The following RRAGB variants were observed in gnomAD, a reference collection of about 807,000 sequenced individuals.
RRAGB encodes the protein ras-related GTP-binding protein B.
In RRAGB, 6 loss-of-function variants were observed where a neutral mutation model predicts 29.3. That is an observed-to-expected ratio of 0.21 (90% confidence interval 0.11 to 0.40). RRAGB has a LOEUF of 0.40. Ranked by LOEUF, RRAGB falls within the 10% of genes least tolerant of loss-of-function variation. The probability of loss-of-function intolerance (pLI) is 1.00; values close to 1 mark genes in which losing one functional copy is unlikely to be tolerated. For missense variants in RRAGB, 184 were observed against 272.9 expected, an observed-to-expected ratio of 0.67 and a Z score of 2.29; for synonymous variants, 101 against 92.5, an observed-to-expected ratio of 1.09 and a Z score of -0.53.
intron 9 of RRAGB, 55 bp downstream of exon 9, chrX:55,757,386 G>T: frequency 1.5e-6 from 1 of 670,235 alleles, no homozygotes; most frequent in Non-Finnish European, 2.3e-6. Context: ...TTAAACAATT[G>T]TCCCAGAGGT....
At chrX:55,738,855 G>A (rs2033955586) in intron 5 of RRAGB, among the ~76,000 whole-genome samples, 1 of 112,022 alleles carries the variant, frequency 8.9e-6, no homozygotes, top group Admixed American at 9.4e-5. Context: ...ACCAGGGCAG[G>A]TGGAGGGGCA....
At chrX:55,742,321 C>A (rs1287677753) in intron 5 of RRAGB, among the ~76,000 whole-genome samples, 1 of 112,617 alleles carries the variant, frequency 8.9e-6, no homozygotes, top group Non-Finnish European at 1.9e-5. Context: ...ACAGCACTCA[C>A]CTCAGCTTGT....
chrX:55,731,683 A>G, intron 5 of RRAGB, 97 bp downstream of exon 5: 2 of 562,819 alleles, frequency 3.6e-6, no homozygotes, highest in Non-Finnish European at 5.5e-6. Context: ...TTTCAGGAAT[A>G]AAAAGTCAGC....
chrX:55,758,276 A>T lies in RRAGB; in HGVS notation c.974A>T (p.Asn325Ile). The change falls in exon 10 of 10, where the codon AAT becomes ATT. Residue 325 changes from asparagine (N) to isoleucine (I), a missense_variant. Coordinates refer to ENST00000374941, the MANE Select transcript of RRAGB (RefSeq NM_006064.5). ...GCAGCTACTCTGATCAACATCCGCA[A>T]TGCCAGGAAACACTTTGAAAAGCTG... is the stretch of plus-strand genomic sequence containing the variant. ...PSAATLINIR[N>I]ARKHFEKLER... is the part of the protein sequence containing the mutation. 8.3e-7 allele frequency: 1 copy of T among 1,208,509 alleles called. No individual in the cohort carries two copies. Among genetic ancestry groups the T allele is most frequent in the Non-Finnish European group, 1.1e-6 (1 of 893,411 alleles).
chrX:55,749,856 C>T (rs1359356931), intron 5 of RRAGB, among the ~76,000 whole-genome samples: 5 of 107,088 alleles, frequency 4.7e-5, no homozygotes, highest in Non-Finnish European at 9.7e-5. Flanking sequence ...TAAGAGTCAT[C>T]ACCACTCCCT....
At chrX:55,737,034 A>G (rs887915492) in intron 5 of RRAGB, among the ~76,000 whole-genome samples, 5 of 112,666 alleles carry the variant, frequency 4.4e-5, no homozygotes, top group Non-Finnish European at 7.5e-5. Context: ...ACCCACAGGT[A>G]AAAACCAGCT....
chrX:55,737,983 C>T (rs770056849), intron 5 of RRAGB, among the ~76,000 whole-genome samples: 3 of 112,326 alleles, frequency 2.7e-5, no homozygotes, highest in South Asian at 3.7e-4. Context: ...TACTTGTGCT[C>T]GTGAGTGCAA....
At chrX:55,732,687 CT>C (rs1300383909) in intron 5 of RRAGB, among the ~76,000 whole-genome samples, 3 of 111,841 alleles carry the variant, frequency 2.7e-5, no homozygotes, top group African/African-American at 6.5e-5. Flanking sequence ...TTAGCTCTTT[CT>C]CCCTCAACTT....
intron 5 of RRAGB, among the ~76,000 whole-genome samples, chrX:55,749,098 G>T (rs1239412033): frequency 1.2e-4 from 12 of 101,270 alleles, no homozygotes; most frequent in African/African-American, 4.3e-4. Context: ...GCCTCGTCCG[G>T]GAGGTGAGTG....
intron 7 of RRAGB, among the ~76,000 whole-genome samples, chrX:55,753,931 G>A (rs2034590986): frequency 8.9e-6 from 1 of 111,823 alleles, no homozygotes; most frequent in Non-Finnish European, 1.9e-5. Flanking sequence ...TATAATCCCA[G>A]CTACTTGGGA....
At chrX:55,733,951 A>G (rs1189229163) in intron 5 of RRAGB, among the ~76,000 whole-genome samples, 2 of 108,509 alleles carry the variant, frequency 1.8e-5, no homozygotes, top group East Asian at 5.8e-4. Context: ...TTGGTTGGGA[A>G]ATTTTGAGTT....
intron 5 of RRAGB, among the ~76,000 whole-genome samples, chrX:55,743,912 AC>A (rs2034161535): frequency 9.0e-6 from 1 of 111,315 alleles, no homozygotes; most frequent in African/African-American, 3.3e-5. Context: ...CTGTCCCATA[AC>A]TTTCTTTCTG....
At chrX:55,743,591 C>G (rs925695832) in intron 5 of RRAGB, among the ~76,000 whole-genome samples, 2 of 112,872 alleles carry the variant, frequency 1.8e-5, no homozygotes, top group African/African-American at 6.4e-5. Flanking sequence ...GTCATCCTAT[C>G]TACTTGGTTA....
At chrX:55,740,060 G>T (rs1483235703) in intron 5 of RRAGB, among the ~76,000 whole-genome samples, 1 of 112,048 alleles carries the variant, frequency 8.9e-6, no homozygotes, top group African/African-American at 3.2e-5. Context: ...GGTGGCTCAC[G>T]CCTGTAATCC....
chrX:55,751,400 A>G, intron 6 of RRAGB: 1 of 343,819 alleles, frequency 2.9e-6, no homozygotes, highest in Non-Finnish European at 5.0e-6. Context: ...TTGGGTTGAC[A>G]TAGCTACCAA....
intron 5 of RRAGB, among the ~76,000 whole-genome samples, chrX:55,739,132 G>A (rs2033963869): frequency 1.8e-5 from 2 of 112,895 alleles, no homozygotes; most frequent in Admixed American, 9.3e-5. Flanking sequence ...CTGGATCCCA[G>A]GCAGTCTTTG....
At chrX:55,729,621 T>C (rs2033605301) in intron 4 of RRAGB, among the ~76,000 whole-genome samples, 1 of 111,304 alleles carries the variant, frequency 9.0e-6, no homozygotes. Flanking sequence ...TCCCCTTTCG[T>C]GGAGGAATAA....
At chrX:55,753,637 C>T (rs2034581410) in intron 7 of RRAGB, 123 bp downstream of exon 7, 3 of 638,143 alleles carry the variant, frequency 4.7e-6, no homozygotes, top group South Asian at 4.3e-5. Context: ...TTAGCATGTA[C>T]AGACTTATTT....
chrX:55,755,846 T>G lies in RRAGB; in HGVS notation c.741T>G (p.Ile247Met). 1 of 1,199,527 alleles carries G rather than the reference T, an allele frequency of 8.3e-7. No homozygotes were observed. Among genetic ancestry groups the G allele is most frequent in the Non-Finnish European group, 1.1e-6 (1 of 886,264 alleles). Residue 247 changes from isoleucine to methionine, a missense_variant, in exon 8 of 10, where the codon ATT becomes ATG. Coordinates refer to ENST00000374941, the MANE Select transcript of RRAGB (RefSeq NM_006064.5). ...GACAATATTCTTTTTCATAGGTAAT[T>G]TCTCACTATCAGTGTAAAGAGCAGC... ...LLFERATFLV[I>M]SHYQCKEQRD... is the part of the protein sequence containing the mutation.
Sources: allele counts gnomAD v4.1 joint callset (sites outside exome capture counted in the v4.1 genomes callset), GRCh38; gene constraint gnomAD v4.1.1; transcripts MANE v1.5; gene names NCBI Gene and HGNC (gene_info 2026-07-23, HGNC 2026-07-21).